The following UNC5D variants were observed in gnomAD, a reference collection of about 807,000 sequenced individuals.
UNC5D encodes the protein netrin receptor UNC5D.
In UNC5D, 39 loss-of-function variants were observed where a neutral mutation model predicts 105.4. The observed-to-expected ratio is 0.37, with a 90% CI of 0.29 to 0.48. The LOEUF is 0.48. Ranked by LOEUF, UNC5D falls within the 20% of genes least tolerant of loss-of-function variation. UNC5D has a pLI of 0.98. For synonymous variants in UNC5D, 452 were observed against 450.4 expected (o/e 1.00, Z -0.04); for missense variants, 991 against 1,202.4 (o/e 0.82, Z 2.60).
At chr8:35,718,626 A>AAATT (rs1401969550) in intron 8 of UNC5D, among the ~76,000 whole-genome samples, 1 of 152,232 alleles carries the variant, frequency 6.6e-6, no homozygotes, top group Non-Finnish European at 1.5e-5. Context: ...TGGCGTTTGA[A>AAATT]AATTAACAAT....
At chr8:35,443,417 T>C (rs1340306742) in intron 1 of UNC5D, among the ~76,000 whole-genome samples, 1 of 151,668 alleles carries the variant, frequency 6.6e-6, no homozygotes, top group Non-Finnish European at 1.5e-5. Flanking sequence ...TGGAAAAAGT[T>C]GTGAAACAGT....
At position 35,568,176 on chromosome 8, in the gene UNC5D, G is replaced by A. The variant is rs1214148843; in HGVS notation, c.401G>A (p.Cys134Tyr). The A allele has an allele frequency of 6.2e-7, 1 of 1,614,174 alleles. No individual in the cohort carries two copies. Among genetic ancestry groups the A allele is most frequent in the Non-Finnish European group, 8.5e-7 (1 of 1,180,032 alleles). Residue 134 changes from cysteine (C) to tyrosine (Y), a missense_variant, in exon 3 of 17, where the codon TGC becomes TAC. Coordinates refer to ENST00000404895, the MANE Select transcript of UNC5D (RefSeq NM_080872.4). ...EDFHGPEDYWCQCVAWSHLGT... is the reference protein window; with the variant it reads ...EDFHGPEDYWYQCVAWSHLGT... ...TTCCATGGGCCCGAGGACTATTGGT[G>A]CCAGTGTGTGGCGTGGAGCCACCTG... is the stretch of plus-strand genomic sequence containing the variant.
At position 35,526,329 on chromosome 8, in the gene UNC5D, C is replaced by T. The variant is rs181413129; in HGVS notation, c.104-22963C>T. On this transcript the variant is annotated intron_variant, in intron 1 of 16. Transcript: ENST00000404895. ...CTCTCCAGAAAGCGGCTCCCTGAGT[C>T]CTTGGACACTGCAGCTATAATAATA... is the stretch of plus-strand genomic sequence containing the variant. Among the ~76,000 whole-genome samples the T allele has an allele frequency of 1.3e-4, 20 of 152,270 alleles. No individual in the cohort carries two copies. The East Asian group carries it at 3.1e-3, about 24-fold the overall frequency.
chr8:35,572,248 A>G (rs951059195), intron 3 of UNC5D, among the ~76,000 whole-genome samples: 3 of 123,518 alleles, frequency 2.4e-5, no homozygotes, highest in Non-Finnish European at 3.2e-5. Context: ...AGATTGTGCC[A>G]TTGCACTCCA....
chr8:35,498,323 T>C (rs138178913), intron 1 of UNC5D, among the ~76,000 whole-genome samples: 2,837 of 151,866 alleles, frequency 0.019, 104 homozygotes, highest in African/African-American at 0.064. Context: ...TATTAAAGAC[T>C]GGGTGACAAA....
chr8:35,405,331 C>G (rs1804736659), intron 1 of UNC5D, among the ~76,000 whole-genome samples: 1 of 152,066 alleles, frequency 6.6e-6, no homozygotes, highest in South Asian at 2.1e-4. Context: ...GAAAATGAAC[C>G]TTGTATCCTA....
At chr8:35,597,795 A>T (rs1011805946) in intron 4 of UNC5D, among the ~76,000 whole-genome samples, 1 of 152,132 alleles carries the variant, frequency 6.6e-6, no homozygotes, top group Non-Finnish European at 1.5e-5. Context: ...TTAGTGACCA[A>T]CCAAAGGTCT....
At chr8:35,466,935 G>A (rs1809347807) in intron 1 of UNC5D, among the ~76,000 whole-genome samples, 1 of 152,140 alleles carries the variant, frequency 6.6e-6, no homozygotes, top group Non-Finnish European at 1.5e-5. Context: ...AAGAAGTGAG[G>A]AGAAAATGGG....
At chr8:35,538,060 C>T (rs2130606890) in intron 1 of UNC5D, among the ~76,000 whole-genome samples, 1 of 151,980 alleles carries the variant, frequency 6.6e-6, no homozygotes, top group East Asian at 1.9e-4. Flanking sequence ...TGAATGGTTG[C>T]TTAGTTGTAC....
chr8:35,455,979 A>T (rs181610684), intron 1 of UNC5D, among the ~76,000 whole-genome samples: 1 of 152,284 alleles, frequency 6.6e-6, no homozygotes, highest in East Asian at 1.9e-4. Flanking sequence ...TATCCCTTGT[A>T]AAAAGTGCAG....
intron 1 of UNC5D, among the ~76,000 whole-genome samples, chr8:35,501,825 T>C (rs1443053250): frequency 6.6e-6 from 1 of 152,236 alleles, no homozygotes; most frequent in African/African-American, 2.4e-5. Flanking sequence ...TGTGCTTTAT[T>C]TGATGTGTTA....
chr8:35,452,845 A>G (rs1808249136), intron 1 of UNC5D, among the ~76,000 whole-genome samples: 2 of 152,216 alleles, frequency 1.3e-5, no homozygotes, highest in African/African-American at 4.8e-5. Flanking sequence ...GAAAGATAAC[A>G]GACTTACGGT....
intron 1 of UNC5D, among the ~76,000 whole-genome samples, chr8:35,399,972 G>C (rs1804349471): frequency 1.3e-5 from 2 of 152,140 alleles, no homozygotes; most frequent in Non-Finnish European, 2.9e-5. Context: ...AAAAACAGCT[G>C]TATGAGGAGA....
chr8:35,336,403 C>G (rs533179189), intron 1 of UNC5D, among the ~76,000 whole-genome samples: 4 of 152,138 alleles, frequency 2.6e-5, no homozygotes, highest in Non-Finnish European at 5.9e-5. Context: ...TCCCTACAAC[C>G]GAAACATTGG....
At chr8:35,693,259 G>A (rs1826529705) in intron 7 of UNC5D, among the ~76,000 whole-genome samples, 1 of 152,118 alleles carries the variant, frequency 6.6e-6, no homozygotes, top group Non-Finnish European at 1.5e-5. Context: ...TTGCACTCAA[G>A]TGCCATATCC....
rs73674003 is a variant in UNC5D, at chr8:35,478,672, T to C, written c.104-70620T>C. Among the ~76,000 whole-genome samples the C allele has an allele frequency of 8.2e-3, 1,246 of 152,300 alleles. 15 individuals are homozygous for C. The highest frequency in any genetic ancestry group is 0.028 in the African/African-American group (1,153 of 41,578). On this transcript the variant is annotated intron_variant, in intron 1 of 16. Transcript: ENST00000404895. ...GAGTCCTGATCTTTAATTTGGGTTT[T>C]ATTTTAAATGCTTTTCAATATCAGT... is the stretch of plus-strand genomic sequence containing the variant.
intron 1 of UNC5D, among the ~76,000 whole-genome samples, chr8:35,431,661 A>G (rs1806645010): frequency 6.6e-6 from 1 of 152,148 alleles, no homozygotes; most frequent in Non-Finnish European, 1.5e-5. Context: ...TTTAGAATTA[A>G]AACACAAATA....
chr8:35,279,626 A>G (rs550938643), intron 1 of UNC5D, among the ~76,000 whole-genome samples: 1 of 152,338 alleles, frequency 6.6e-6, no homozygotes, highest in Admixed American at 6.5e-5. Context: ...TATTACTCCC[A>G]TAAACCTCAA....
At chr8:35,420,787 AATAAAGTATATATATTTCT>A (rs1805849792) in intron 1 of UNC5D, among the ~76,000 whole-genome samples, 3 of 151,624 alleles carry the variant, frequency 2.0e-5, no homozygotes, top group African/African-American at 7.3e-5. Flanking sequence ...AGTGTGTTGG[AATAAAGTATATATATTTCT>A]CTCATGCCTT....
Sources: gnomAD v4.1 joint callset for allele counts (sites outside exome capture counted in the v4.1 genomes callset) on GRCh38, gnomAD v4.1.1 for gene constraint, MANE v1.5 for transcripts, NCBI Gene and HGNC (gene_info 2026-07-23, HGNC 2026-07-21) for gene names.